The following ADAMTSL1 variants were observed in gnomAD, a reference collection of about 807,000 sequenced individuals.
ADAMTSL1 encodes ADAMTS-like protein 1.
A neutral mutation model predicts 201.8 loss-of-function variants in ADAMTSL1; 126 were observed. That is an observed-to-expected ratio of 0.62 (90% CI 0.54 to 0.72). The LOEUF (loss-of-function observed/expected upper bound fraction) is 0.72. Among genes scored for constraint, ADAMTSL1 ranks in the 30% least tolerant of loss-of-function variants. ADAMTSL1 has a pLI of 0.00. For synonymous variants in ADAMTSL1, 1,121 were observed against 903.4 expected (o/e 1.24, Z -4.32); for missense variants, 2,679 against 2,277.8 (o/e 1.18, Z -3.59).
chr9:17,910,632 G>A (rs1305404114), intron 1 of ADAMTSL1, among the ~76,000 whole-genome samples: 1 of 68,978 alleles, frequency 1.4e-5, no homozygotes, highest in Non-Finnish European at 4.4e-5. Context: ...TGAGGAGCCT[G>A]ATGAAACTTG....
intron 4 of ADAMTSL1, among the ~76,000 whole-genome samples, chr9:18,581,655 T>C (rs1823100877): frequency 6.6e-6 from 1 of 151,972 alleles, no homozygotes; most frequent in Non-Finnish European, 1.5e-5. Flanking sequence ...CAAAAATAAG[T>C]TATCTGCTTC....
At chr9:18,238,299 C>T (rs1167896764) in intron 2 of ADAMTSL1, among the ~76,000 whole-genome samples, 1 of 152,174 alleles carries the variant, frequency 6.6e-6, no homozygotes, top group African/African-American at 2.4e-5. Context: ...TTTCATTACA[C>T]TTACAGTGAC....
chr9:18,622,305 C>T lies in ADAMTSL1; in HGVS notation c.537C>T (p.Asn179=), dbSNP rs149092118. 5.7e-4 allele frequency: 919 copies of T among 1,614,046 alleles called. 4 individuals are homozygous for T. The African/African-American group carries it at 9.8e-3, about 17-fold the overall frequency. Residue 179 remains asparagine (N), a synonymous_variant, in exon 5 of 29, where the codon AAC becomes AAT. Coordinates refer to ENST00000380548, the MANE Select transcript of ADAMTSL1 (RefSeq NM_001040272.6). ...AGGAAGATAACTGTGGGGTCTGCAACGGAGATGGGTCCACCTGCCGGCTGG... is the reference window on the plus strand; with the variant it reads ...AGGAAGATAACTGTGGGGTCTGCAATGGAGATGGGTCCACCTGCCGGCTGG... ...TVKEDNCGVC[N]GDGSTCRLVR...
chr9:18,591,889 T>C (rs892589803), intron 4 of ADAMTSL1, among the ~76,000 whole-genome samples: 2 of 152,184 alleles, frequency 1.3e-5, no homozygotes, highest in Admixed American at 6.5e-5. Context: ...ATCGAGATGC[T>C]TGAAGAAGTG....
intron 1 of ADAMTSL1, among the ~76,000 whole-genome samples, chr9:18,491,364 A>G (rs1420211516): frequency 6.6e-6 from 1 of 152,212 alleles, no homozygotes; most frequent in Non-Finnish European, 1.5e-5. Context: ...ATGTTAATGC[A>G]ATTTAAATAT....
intron 1 of ADAMTSL1, among the ~76,000 whole-genome samples, chr9:17,926,453 G>T (rs1274656806): frequency 1.3e-5 from 2 of 152,162 alleles, no homozygotes; most frequent in Non-Finnish European, 2.9e-5. Context: ...GCGTACTCAG[G>T]AATCCATGCT....
chr9:17,962,066 T>C (rs902568561), intron 1 of ADAMTSL1, among the ~76,000 whole-genome samples: 13 of 152,158 alleles, frequency 8.5e-5, no homozygotes, highest in African/African-American at 3.1e-4. Context: ...TGCTTAGAGG[T>C]TGAACAACAT....
chr9:18,664,266 C>A (rs1247576448), intron 9 of ADAMTSL1, among the ~76,000 whole-genome samples: 1 of 151,900 alleles, frequency 6.6e-6, no homozygotes, highest in African/African-American at 2.4e-5. Context: ...TCAAAGCAAC[C>A]CTTCTGAATT....
chr9:18,246,905 G>A (rs1457888591), intron 2 of ADAMTSL1, among the ~76,000 whole-genome samples: 1 of 152,150 alleles, frequency 6.6e-6, no homozygotes, highest in Non-Finnish European at 1.5e-5. Flanking sequence ...TTTTCTGACT[G>A]ATAAATGCAA....
chr9:18,395,022 T>C (rs1817693910), intron 2 of ADAMTSL1, among the ~76,000 whole-genome samples: 1 of 152,216 alleles, frequency 6.6e-6, no homozygotes, highest in Non-Finnish European at 1.5e-5. Flanking sequence ...CAATTCTCTT[T>C]ACCTTTTTGT....
intron 15 of ADAMTSL1, chr9:18,723,576 A>T (rs1268093642): frequency 6.4e-6 from 1 of 156,032 alleles, no homozygotes; most frequent in Non-Finnish European, 1.4e-5. Context: ...TGTTGAGCTT[A>T]ATGTTGTCGC....
chr9:18,208,416 A>G (rs1489799697), intron 2 of ADAMTSL1, among the ~76,000 whole-genome samples: 6 of 152,100 alleles, frequency 3.9e-5, no homozygotes, highest in African/African-American at 1.4e-4. Context: ...GAAGTTTGTG[A>G]GTTGCACCTG....
intron 3 of ADAMTSL1, among the ~76,000 whole-genome samples, chr9:18,547,126 C>T (rs1244448528): frequency 6.6e-6 from 1 of 152,040 alleles, no homozygotes; most frequent in African/African-American, 2.4e-5. Context: ...CAAAGCATTG[C>T]TCTAGGAGCA....
chr9:17,952,452 C>G (rs1161756632), intron 1 of ADAMTSL1, among the ~76,000 whole-genome samples: 1 of 152,066 alleles, frequency 6.6e-6, no homozygotes, highest in East Asian at 1.9e-4. Context: ...AGTTTACTAA[C>G]TAGTCTATCA....
chr9:18,484,556 C>A (rs1399723050), intron 1 of ADAMTSL1, among the ~76,000 whole-genome samples: 2 of 152,084 alleles, frequency 1.3e-5, no homozygotes, highest in African/African-American at 2.4e-5. Context: ...ACATAAACAC[C>A]TGTCTTTTCA....
At chr9:18,077,997 G>A (rs1320903994) in intron 1 of ADAMTSL1, among the ~76,000 whole-genome samples, 1 of 152,168 alleles carries the variant, frequency 6.6e-6, no homozygotes, top group African/African-American at 2.4e-5. Flanking sequence ...CACCTAACAA[G>A]GACAGGGTGG....
At chr9:18,867,843 G>C (rs998280023) in intron 23 of ADAMTSL1, among the ~76,000 whole-genome samples, 3 of 151,972 alleles carry the variant, frequency 2.0e-5, no homozygotes, top group African/African-American at 7.3e-5. Flanking sequence ...GGCCAGGCTG[G>C]TCTTGAACTC....
intron 9 of ADAMTSL1, among the ~76,000 whole-genome samples, chr9:18,665,665 A>T (rs1454264695): frequency 6.6e-6 from 1 of 151,832 alleles, no homozygotes; most frequent in Non-Finnish European, 1.5e-5. Flanking sequence ...TGTTCCCACC[A>T]TCTTCTTTCT....
intron 2 of ADAMTSL1, among the ~76,000 whole-genome samples, chr9:18,452,306 A>G (rs1336659570): frequency 6.6e-5 from 10 of 152,190 alleles, no homozygotes. Flanking sequence ...AACCTTCATG[A>G]CCTAATCACC....
Sources: gnomAD v4.1 joint callset for allele counts (sites outside exome capture counted in the v4.1 genomes callset) on GRCh38, gnomAD v4.1.1 for gene constraint, MANE v1.5 for transcripts, NCBI Gene and HGNC (gene_info 2026-07-23, HGNC 2026-07-21) for gene names.